KIAA1217: variants seen among roughly 807,000 people sequenced by gnomAD.
The protein encoded by KIAA1217 is sickle tail protein homolog.
In KIAA1217, 88 loss-of-function variants were observed where a neutral mutation model predicts 163.9. The observed-to-expected ratio is 0.54, with a 90% CI of 0.45 to 0.64. KIAA1217 has a LOEUF of 0.64. Ranked by LOEUF, KIAA1217 falls within the 30% of genes least tolerant of loss-of-function variation. KIAA1217 has a pLI of 0.00. For synonymous variants in KIAA1217, 903 were observed against 923.1 expected (o/e 0.98, Z 0.39); for missense variants, 2,372 against 2,475.0 (o/e 0.96, Z 0.88).
intron 2 of KIAA1217, among the ~76,000 whole-genome samples, chr10:24,262,730 T>C (rs1355722622): frequency 3.3e-5 from 5 of 151,884 alleles, no homozygotes; most frequent in Admixed American, 3.3e-4. Context: ...TAAAATGCCT[T>C]ATAAAAGTAC....
chr10:24,189,405 G>A (rs2066606926), intron 2 of KIAA1217, among the ~76,000 whole-genome samples: 2 of 151,906 alleles, frequency 1.3e-5, no homozygotes, highest in African/African-American at 4.8e-5. Context: ...TGGTCGCCTT[G>A]GTATAGAACT....
At chr10:24,175,827 G>C (rs926771344) in intron 2 of KIAA1217, among the ~76,000 whole-genome samples, 3 of 152,128 alleles carry the variant, frequency 2.0e-5, no homozygotes, top group Non-Finnish European at 4.4e-5. Context: ...CTCCTGTCCA[G>C]ACTTGTTCAT....
At chr10:24,237,638 G>T (rs2072471737) in intron 2 of KIAA1217, among the ~76,000 whole-genome samples, 1 of 152,276 alleles carries the variant, frequency 6.6e-6, no homozygotes, top group East Asian at 1.9e-4. Context: ...ATTGAATAGT[G>T]CCTCCACCCC....
intron 1 of KIAA1217, among the ~76,000 whole-genome samples, chr10:23,978,632 A>G (rs1845637710): frequency 6.6e-6 from 1 of 152,188 alleles, no homozygotes; most frequent in Non-Finnish European, 1.5e-5. Flanking sequence ...GAATGTTGCC[A>G]ATAATATTTA....
chr10:24,060,269 A>G (rs1263583921), intron 2 of KIAA1217, among the ~76,000 whole-genome samples: 1 of 151,846 alleles, frequency 6.6e-6, no homozygotes, highest in Non-Finnish European at 1.5e-5. Context: ...ATCCCTATAA[A>G]TTTCTCTCTT....
intron 1 of KIAA1217, among the ~76,000 whole-genome samples, chr10:24,218,207 T>G (rs1231989099): frequency 1.3e-5 from 2 of 152,168 alleles, no homozygotes; most frequent in Non-Finnish European, 2.9e-5. Context: ...TTTTCTGAGC[T>G]AGCTGGAATA....
intron 2 of KIAA1217, among the ~76,000 whole-genome samples, chr10:24,249,931 C>T (rs534423289): frequency 6.6e-6 from 1 of 152,280 alleles, no homozygotes; most frequent in Non-Finnish European, 1.5e-5. Flanking sequence ...TTTCCAAACA[C>T]GACTATCACA....
chr10:24,435,656 GC>G (rs1352799408), intron 4 of KIAA1217, among the ~76,000 whole-genome samples: 1 of 152,160 alleles, frequency 6.6e-6, no homozygotes, highest in African/African-American at 2.4e-5. Flanking sequence ...TCAAAGTATG[GC>G]TACTTTGCCT....
chr10:23,703,738 C>T (rs914323907), intron 1 of KIAA1217, among the ~76,000 whole-genome samples: 1 of 152,038 alleles, frequency 6.6e-6, no homozygotes, highest in Admixed American at 6.6e-5. Flanking sequence ...TCCTCCTCCC[C>T]TTTTCTTCTT....
intron 5 of KIAA1217, among the ~76,000 whole-genome samples, chr10:24,464,524 C>G (rs2062746195): frequency 6.6e-6 from 1 of 152,104 alleles, no homozygotes. Context: ...CACTCTGTCA[C>G]CCAGGCTGGA....
intron 1 of KIAA1217, among the ~76,000 whole-genome samples, chr10:23,867,676 T>C (rs1564491241): frequency 6.6e-6 from 1 of 152,236 alleles, no homozygotes; most frequent in Non-Finnish European, 1.5e-5. Context: ...TTCATGTCCT[T>C]CGCCTACTTT....
intron 2 of KIAA1217, among the ~76,000 whole-genome samples, chr10:24,016,984 A>G (rs1847506119): frequency 6.6e-6 from 1 of 151,918 alleles, no homozygotes; most frequent in Non-Finnish European, 1.5e-5. Flanking sequence ...GGTCACAATA[A>G]ATGTTTACTG....
intron 1 of KIAA1217, among the ~76,000 whole-genome samples, chr10:23,856,669 C>CGAGCTTCCCCACTGCTTTGTT (rs1839686257): frequency 6.6e-6 from 1 of 152,256 alleles, no homozygotes; most frequent in South Asian, 2.1e-4. Context: ...CCACCCAGTT[C>CGAGCTTCCCCACTGCTTTGTT]GAGCTTCCCC....
chr10:24,091,266 T>G (rs938314317), intron 2 of KIAA1217, among the ~76,000 whole-genome samples: 1 of 151,918 alleles, frequency 6.6e-6, no homozygotes, highest in African/African-American at 2.4e-5. Context: ...CTGAAGGTCT[T>G]AAAATGGCAA....
At chr10:24,260,753 A>G (rs1054875277) in intron 2 of KIAA1217, among the ~76,000 whole-genome samples, 1 of 152,114 alleles carries the variant, frequency 6.6e-6, no homozygotes, top group Non-Finnish European at 1.5e-5. Context: ...TTAAAAAAAA[A>G]AGGAGAAAGA....
intron 2 of KIAA1217, among the ~76,000 whole-genome samples, chr10:24,301,745 T>C (rs948465656): frequency 6.6e-6 from 1 of 152,204 alleles, no homozygotes; most frequent in Admixed American, 6.5e-5. Context: ...AAGTAGACTT[T>C]ATTTTTTAGA....
intron 1 of KIAA1217, among the ~76,000 whole-genome samples, chr10:23,934,617 A>ATTTT (rs1564545932): frequency 1.5e-5 from 1 of 66,218 alleles, no homozygotes; most frequent in Non-Finnish European, 2.6e-5. Context: ...GTATATATAT[A>ATTTT]TATATATATT....
chr10:23,864,520 A>G (rs1412311754), intron 1 of KIAA1217, among the ~76,000 whole-genome samples: 1 of 53,326 alleles, frequency 1.9e-5, no homozygotes, highest in African/African-American at 5.1e-5. Flanking sequence ...CAGTACACAC[A>G]CCAACACACA....
intron 2 of KIAA1217, among the ~76,000 whole-genome samples, chr10:24,360,041 T>A (rs72776734): frequency 7.3e-3 from 74 of 10,118 alleles, no homozygotes; most frequent in South Asian, 0.012. Context: ...ATATAATTAC[T>A]TTTTTTTTTT....
Sources: gnomAD v4.1 joint callset for allele counts (sites outside exome capture counted in the v4.1 genomes callset) on GRCh38, gnomAD v4.1.1 for gene constraint, MANE v1.5 for transcripts, NCBI Gene and HGNC (gene_info 2026-07-23, HGNC 2026-07-21) for gene names.